Variants in CATSPERT observed in about 807,000 individuals in gnomAD.
CATSPERT encodes the protein catsper channel auxiliary subunit tau.
At chr2:201,605,525 A>G in the CATSPERT span, among the ~76,000 whole-genome samples, 2 of 152,314 alleles carry the variant, frequency 1.3e-5, no homozygotes, top group East Asian at 3.9e-4. Context: ...CTTACCTCCC[A>G]TCAATTACAA....
the CATSPERT span, among the ~76,000 whole-genome samples, chr2:201,508,118 T>C: frequency 6.6e-6 from 1 of 152,208 alleles, no homozygotes. Context: ...ATGAGCTATA[T>C]AGTCAAGACT....
the CATSPERT span, chr2:201,511,635 G>C: frequency 4.0e-5 from 6 of 151,706 alleles, no homozygotes; most frequent in African/African-American, 1.5e-4. Context: ...GTCACTGTCA[G>C]GGTTTAAGTA....
the CATSPERT span, chr2:201,534,944 T>A: frequency 2.3e-6 from 1 of 434,240 alleles, no homozygotes; most frequent in Non-Finnish European, 3.1e-6. Context: ...TGATTCAAGC[T>A]TTTAAAATTC....
the CATSPERT span, among the ~76,000 whole-genome samples, chr2:201,530,626 TA>T: frequency 1.3e-5 from 2 of 152,200 alleles, no homozygotes; most frequent in African/African-American, 4.8e-5. Flanking sequence ...CAGTTAAATA[TA>T]AATGGATGAA....
At chr2:201,519,201 G>A in the CATSPERT span, among the ~76,000 whole-genome samples, 2 of 152,082 alleles carry the variant, frequency 1.3e-5, no homozygotes, top group Non-Finnish European at 2.9e-5. Flanking sequence ...CACCAGCAAA[G>A]CCGCACCACC....
chr2:201,542,100 T>C, the CATSPERT span, among the ~76,000 whole-genome samples: 1 of 152,186 alleles, frequency 6.6e-6, no homozygotes, highest in South Asian at 2.1e-4. Flanking sequence ...ACATTGACTT[T>C]TTACATAATG....
chr2:201,615,785 A>T, the CATSPERT span, among the ~76,000 whole-genome samples: 1 of 152,320 alleles, frequency 6.6e-6, no homozygotes, highest in Admixed American at 6.5e-5. Flanking sequence ...TTCTGAAAAG[A>T]TCAACAAAAT....
the CATSPERT span, among the ~76,000 whole-genome samples, chr2:201,547,005 C>A: frequency 8.6e-5 from 13 of 151,962 alleles, no homozygotes; most frequent in Non-Finnish European, 1.6e-4. Flanking sequence ...ACATAGCAAG[C>A]AAAAGAGGCA....
At chr2:201,516,464 TCTCA>T in the CATSPERT span, among the ~76,000 whole-genome samples, 1 of 152,036 alleles carries the variant, frequency 6.6e-6, no homozygotes, top group African/African-American at 2.4e-5. Flanking sequence ...AACCAGCTGG[TCTCA>T]CTCACTATCA....
chr2:201,575,378 G>C, the CATSPERT span: 1 of 1,444,472 alleles, frequency 6.9e-7, no homozygotes, highest in Non-Finnish European at 9.3e-7. Flanking sequence ...GTATTTCCCT[G>C]TATATTATCG....
chr2:201,615,783 A>G, the CATSPERT span, among the ~76,000 whole-genome samples: 1 of 152,194 alleles, frequency 6.6e-6, no homozygotes, highest in African/African-American at 2.4e-5. Flanking sequence ...TTTTCTGAAA[A>G]GATCAACAAA....
chr2:201,501,334 G>T, the CATSPERT span, among the ~76,000 whole-genome samples: 3 of 139,994 alleles, frequency 2.1e-5, no homozygotes, highest in African/African-American at 8.1e-5. Context: ...GGTGGAGGTT[G>T]CAGTGAGCCA....
the CATSPERT span, among the ~76,000 whole-genome samples, chr2:201,587,195 T>C: frequency 2.0e-5 from 3 of 152,194 alleles, no homozygotes; most frequent in African/African-American, 7.2e-5. Flanking sequence ...ATTCCTATCA[T>C]TCATTGACAT....
the CATSPERT span, among the ~76,000 whole-genome samples, chr2:201,496,704 A>T: frequency 6.6e-6 from 1 of 152,208 alleles, no homozygotes; most frequent in African/African-American, 2.4e-5. Context: ...AAAACTCCCT[A>T]AAGAAATCTA....
the CATSPERT span, among the ~76,000 whole-genome samples, chr2:201,581,588 A>G: frequency 4.6e-5 from 4 of 87,020 alleles, no homozygotes; most frequent in Non-Finnish European, 6.7e-5. Context: ...ATATATATAT[A>G]TATATACACA....
chr2:201,595,410 G>A, the CATSPERT span, among the ~76,000 whole-genome samples: 38 of 152,002 alleles, frequency 2.5e-4, no homozygotes, highest in East Asian at 4.3e-3. Flanking sequence ...GGATGGTCTC[G>A]ATCTCCTGAC....
the CATSPERT span, among the ~76,000 whole-genome samples, chr2:201,502,156 A>G: frequency 1.1e-4 from 16 of 152,234 alleles, no homozygotes; most frequent in Admixed American, 1.3e-4. Flanking sequence ...AGCAGATGAA[A>G]GGGTGAATAC....
chr2:201,491,766 C>G, the CATSPERT span: 2 of 1,537,060 alleles, frequency 1.3e-6, no homozygotes, highest in East Asian at 4.9e-5. Context: ...TATCAAGGGA[C>G]TTCATTTTCA....
chr2:201,605,379 C>T, the CATSPERT span, among the ~76,000 whole-genome samples: 1 of 152,092 alleles, frequency 6.6e-6, no homozygotes, highest in African/African-American at 2.4e-5. Flanking sequence ...ATGCGCACTG[C>T]TTCTGGGGTG....
Sources: gnomAD v4.1 joint callset for allele counts (sites outside exome capture counted in the v4.1 genomes callset) on GRCh38, gnomAD v4.1.1 for gene constraint, MANE v1.5 for transcripts, NCBI Gene and HGNC (gene_info 2026-07-23, HGNC 2026-07-21) for gene names.